The following PTPRJ variants were observed in gnomAD, a reference collection of about 807,000 sequenced individuals.
PTPRJ encodes the protein protein tyrosine phosphatase receptor type J.
Under a neutral mutation model 141.3 loss-of-function variants are expected in PTPRJ, and 129 were observed. The observed-to-expected ratio is 0.91, with a 90% CI of 0.79 to 1.06. PTPRJ has a LOEUF of 1.06. Ranked by LOEUF, PTPRJ falls within the 50% of genes least tolerant of loss-of-function variation. The pLI, the probability that PTPRJ is intolerant of heterozygous loss-of-function variation, is 0.00. For missense variants in PTPRJ, 1,601 were observed against 1,679.7 expected (o/e 0.95, Z 0.82); for synonymous variants, 610 against 640.5 (o/e 0.95, Z 0.72).
chr11:47,994,108 G>A (rs532165112), intron 1 of PTPRJ, among the ~76,000 whole-genome samples: 6 of 150,854 alleles, frequency 4.0e-5, no homozygotes, highest in East Asian at 2.0e-4. Context: ...CAATCCACCC[G>A]CTGCAGTCTC....
intron 1 of PTPRJ, among the ~76,000 whole-genome samples, chr11:48,054,604 CT>C (rs138867608): frequency 0.099 from 15,004 of 152,020 alleles, 1,407 homozygotes; most frequent in African/African-American, 0.25. Flanking sequence ...CTTGTTTGCC[CT>C]CTCTGTGGTC....
intron 1 of PTPRJ, among the ~76,000 whole-genome samples, chr11:48,040,609 C>CTTTTTTTTT (rs371103069): frequency 1.4e-5 from 2 of 146,042 alleles, no homozygotes; most frequent in African/African-American, 5.4e-5. Context: ...TCTTCTTCTT[C>CTTTTTTTTT]TTCTTTTTTT....
chr11:48,149,658 A>G, intron 16 of PTPRJ, 170 bp downstream of exon 16: 1 of 557,878 alleles, frequency 1.8e-6, no homozygotes, highest in Non-Finnish European at 3.1e-6. Flanking sequence ...TCTATGTTTT[A>G]TTAGTCTCCT....
At chr11:48,077,349 T>C (rs1252524327) in intron 1 of PTPRJ, among the ~76,000 whole-genome samples, 3 of 152,164 alleles carry the variant, frequency 2.0e-5, no homozygotes, top group Non-Finnish European at 4.4e-5. Flanking sequence ...CAGTTCTTCT[T>C]GGAGCTGTGG....
intron 1 of PTPRJ, among the ~76,000 whole-genome samples, chr11:48,054,914 G>A (rs1406584762): frequency 1.3e-5 from 2 of 151,728 alleles, no homozygotes; most frequent in African/African-American, 4.8e-5. Flanking sequence ...GCCAGGCATG[G>A]TGGCTCACGC....
chr11:48,120,976 A>T (rs1856689087), intron 3 of PTPRJ, 27 bp from the exon 4 acceptor site: 3 of 1,371,224 alleles, frequency 2.2e-6, no homozygotes, highest in African/African-American at 1.5e-5. Flanking sequence ...AAGTGCAATA[A>T]TTTTTTTTTT....
At chr11:48,071,537 C>T (rs1218259244) in intron 1 of PTPRJ, among the ~76,000 whole-genome samples, 9 of 150,274 alleles carry the variant, frequency 6.0e-5, no homozygotes, top group East Asian at 2.0e-4. Flanking sequence ...AGGATGGTCT[C>T]GACCTCGTGA....
At chr11:48,036,275 A>G (rs1431880927) in intron 1 of PTPRJ, among the ~76,000 whole-genome samples, 1 of 152,216 alleles carries the variant, frequency 6.6e-6, no homozygotes, top group Non-Finnish European at 1.5e-5. Context: ...ACAGCCTCCA[A>G]GGGAGTCTGT....
At chr11:48,164,910 G>A (rs1321043887) in intron 24 of PTPRJ, among the ~76,000 whole-genome samples, 1 of 152,140 alleles carries the variant, frequency 6.6e-6, no homozygotes, top group African/African-American at 2.4e-5. Flanking sequence ...ATGCACTTGT[G>A]TTAAAATATG....
At chr11:48,028,805 CA>C (rs1257655570) in intron 1 of PTPRJ, among the ~76,000 whole-genome samples, 1 of 152,018 alleles carries the variant, frequency 6.6e-6, no homozygotes, top group African/African-American at 2.4e-5. Flanking sequence ...AGCAAACAAA[CA>C]AACAAAAAAC....
At chr11:47,983,072 G>C (rs1176047707) in intron 1 of PTPRJ, among the ~76,000 whole-genome samples, 1 of 152,144 alleles carries the variant, frequency 6.6e-6, no homozygotes, top group Non-Finnish European at 1.5e-5. Context: ...CTTAGATGAG[G>C]ATATTGATGT....
At chr11:48,061,237 A>G (rs1854913873) in intron 1 of PTPRJ, among the ~76,000 whole-genome samples, 1 of 152,136 alleles carries the variant, frequency 6.6e-6, no homozygotes, top group South Asian at 2.1e-4. Context: ...CGGCCTCCCA[A>G]AATGCTGGGA....
At chr11:48,048,404 G>A (rs1026149814) in intron 1 of PTPRJ, among the ~76,000 whole-genome samples, 19 of 152,206 alleles carry the variant, frequency 1.2e-4, no homozygotes, top group African/African-American at 4.3e-4. Flanking sequence ...CACAGCTTAC[G>A]GCCATGATGA....
chr11:48,155,411 G>C (rs1018932471), intron 19 of PTPRJ, among the ~76,000 whole-genome samples: 1 of 152,182 alleles, frequency 6.6e-6, no homozygotes, highest in African/African-American at 2.4e-5. Flanking sequence ...GCAGTGGCTT[G>C]TAGGGTGGTT....
chr11:48,092,631 T>C (rs1048073740), intron 1 of PTPRJ, among the ~76,000 whole-genome samples: 6 of 152,276 alleles, frequency 3.9e-5, no homozygotes, highest in African/African-American at 1.4e-4. Flanking sequence ...GGTTTCACCA[T>C]GTTGGCTAGG....
At chr11:48,030,851 C>T (rs1199210784) in intron 1 of PTPRJ, among the ~76,000 whole-genome samples, 1 of 152,186 alleles carries the variant, frequency 6.6e-6, no homozygotes, top group Non-Finnish European at 1.5e-5. Flanking sequence ...TTCTGCTTAT[C>T]TCATTGGTCA....
At chr11:48,003,832 C>A (rs1290255030) in intron 1 of PTPRJ, among the ~76,000 whole-genome samples, 1 of 152,160 alleles carries the variant, frequency 6.6e-6, no homozygotes, top group Non-Finnish European at 1.5e-5. Context: ...TGCACACATG[C>A]CAATTGGGCT....
intron 19 of PTPRJ, among the ~76,000 whole-genome samples, chr11:48,154,639 A>G (rs147412117): frequency 6.6e-6 from 1 of 152,204 alleles, no homozygotes; most frequent in Non-Finnish European, 1.5e-5. Flanking sequence ...TTACATCAGG[A>G]CGTCATCATC....
intron 11 of PTPRJ, among the ~76,000 whole-genome samples, chr11:48,140,452 C>G (rs529195220): frequency 6.6e-6 from 1 of 152,334 alleles, no homozygotes; most frequent in Non-Finnish European, 1.5e-5. Context: ...GAGAGGATTT[C>G]CAGGTCTGGT....
Sources: allele counts gnomAD v4.1 joint callset (sites outside exome capture counted in the v4.1 genomes callset), GRCh38; gene constraint gnomAD v4.1.1; transcripts MANE v1.5; gene names NCBI Gene and HGNC (gene_info 2026-07-23, HGNC 2026-07-21).